Variants in INTS1 observed in about 807,000 individuals in gnomAD.
INTS1 encodes the protein integrator complex subunit 1.
INTS1 carries 137 observed loss-of-function variants against 241.6 expected under a neutral mutation model. That is an observed-to-expected ratio of 0.57 (90% CI 0.49 to 0.65). INTS1 has a LOEUF of 0.65. Among genes scored for constraint, INTS1 ranks in the 30% least tolerant of loss-of-function variants. The probability of loss-of-function intolerance (pLI) is 0.00; values close to 1 mark genes in which losing one functional copy is unlikely to be tolerated. For missense variants in INTS1, 3,073 were observed against 3,032.2 expected (o/e 1.01, Z -0.32); for synonymous variants, 1,692 against 1,337.8 (o/e 1.26, Z -5.78).
In INTS1 at chr7:1,481,380, T is replaced by A. The variant is rs753854730; in HGVS notation, c.3812A>T (p.His1271Leu). ...LLQFLDQAVAHDPQTLEQNIM... is the reference protein window; with the variant it reads ...LLQFLDQAVALDPQTLEQNIM... Reference sequence around the variant, plus strand: ...GTTCTGCTCCAGAGTCTGGGGGTCGTGGGCCACTGCCTGGTCCAGGAACTG... The same window carrying A: ...GTTCTGCTCCAGAGTCTGGGGGTCGAGGGCCACTGCCTGGTCCAGGAACTG... The change falls in exon 28 of 48, where the codon CAC becomes CTC. Residue 1271 changes from histidine (H) to leucine (L), a missense_variant. Transcript: ENST00000404767. This position sits in a 1 kb window ranked among gnomAD's most constrained non-coding sequence, Gnocchi z 6.8. 2 of 1,612,872 alleles carry A rather than the reference T, an allele frequency of 1.2e-6. No homozygotes were observed. Among genetic ancestry groups the A allele is most frequent in the Non-Finnish European group, 1.7e-6 (2 of 1,179,712 alleles).
Position 1,477,953 on chromosome 7 carries a change from G to A in INTS1, c.4631-17C>T. On this transcript the variant is annotated splice_polypyrimidine_tract_variant and intron_variant, in intron 33 of 47. Coordinates refer to ENST00000404767, the MANE Select transcript of INTS1 (RefSeq NM_001080453.3). ...CCTGGAGGACTGCGCAAGGGACAAA[G>A]AGACATGTGGGTCACTCCCAGGTCG... 1.2e-6 allele frequency: 2 copies of A among 1,610,984 alleles called. No homozygotes were observed. The highest frequency in any genetic ancestry group is 1.3e-5 in the African/African-American group (1 of 75,042).
At chr7:1,487,612 A>T in intron 19 of INTS1, 148 bp downstream of exon 19, 1 of 1,278,928 alleles carries the variant, frequency 7.8e-7, no homozygotes, top group Non-Finnish European at 1.1e-6. Context: ...GCAGTAAGCC[A>T]GGGACGCGGG....
intron 21 of INTS1, 62 bp downstream of exon 21, chr7:1,486,860 G>T: frequency 6.3e-7 from 1 of 1,592,930 alleles, no homozygotes; most frequent in Non-Finnish European, 8.5e-7. Context: ...GCTCAGGCAT[G>T]GGTTGCCCTG....
intron 16 of INTS1, among the ~76,000 whole-genome samples, chr7:1,490,434 G>A (rs112019293): frequency 0.016 from 2,435 of 152,278 alleles, 62 homozygotes; most frequent in African/African-American, 0.053. Flanking sequence ...CTGAAAGGGT[G>A]TTGGCTCCGG....
intron 3 of INTS1, among the ~76,000 whole-genome samples, chr7:1,501,976 T>G (rs1034421530): frequency 1.3e-5 from 2 of 152,050 alleles, no homozygotes; most frequent in East Asian, 1.9e-4. Context: ...AAGCCCATAC[T>G]GCAACTCCCT....
Position 1,498,817 on chromosome 7 carries a change from G to C in INTS1, c.1173C>G (p.Val391=), listed in dbSNP as rs1335403779. The change falls in exon 9 of 48, where the codon GTC becomes GTG. Residue 391 remains valine (V), a synonymous_variant. Coordinates refer to ENST00000404767, the MANE Select transcript of INTS1 (RefSeq NM_001080453.3). ...AACCGTGCGTGTTGCAGTTCATGCA[G>C]ACGGACATCAGCAGGTCCTGGGCCG... ...TRPAQDLLMS[V]CMNCNTHGSE... is the part of the protein sequence containing the mutation. The C allele has an allele frequency of 2.5e-6, 4 of 1,606,182 alleles. No individual in the cohort carries two copies. Among genetic ancestry groups the C allele is most frequent in the Non-Finnish European group, 3.4e-6 (4 of 1,176,822 alleles).
chr7:1,472,539 G>A (rs1299313168), intron 43 of INTS1, among the ~76,000 whole-genome samples, 153 bp from the exon 44 acceptor site: 1 of 152,196 alleles, frequency 6.6e-6, no homozygotes, highest in Non-Finnish European at 1.5e-5. Context: ...GGTGGAGCCA[G>A]GAGCCGGGAG....
chr7:1,498,280 C>T, intron 10 of INTS1, 132 bp downstream of exon 10: 2 of 1,396,350 alleles, frequency 1.4e-6, no homozygotes, highest in Non-Finnish European at 1.9e-6. Context: ...TTCAAAAGCT[C>T]CTTCCCGAGA....
chr7:1,503,190 C>T lies in INTS1; in HGVS notation c.60G>A (p.Gly20=), dbSNP rs1045557738. 1.7e-5 allele frequency: 26 copies of T among 1,524,344 alleles called. No individual in the cohort carries two copies. The highest frequency in any genetic ancestry group is 2.1e-5 in the Non-Finnish European group (24 of 1,136,492). The allele number at this position is 1,524,344 out of a possible 1,614,324, so 94.4% of individuals were successfully genotyped here. Residue 20 remains glycine, a splice_region_variant and synonymous_variant, in exon 3 of 48, where the codon GGG becomes GGA. Coordinates refer to ENST00000404767, the MANE Select transcript of INTS1 (RefSeq NM_001080453.3). ...CAATGAAGTCTCCTGGGGGAGGGTG[C>T]CCTGCAGAGAAAGGAGAGAGAAAAC... ...RRPSAAAKPS[G]HPPPGDFIAL...
At position 1,474,162 on chromosome 7, in the gene INTS1, A is replaced by G. The variant is rs1279226125; in HGVS notation, c.5829+6T>C. The G allele has an allele frequency of 3.9e-6, 6 of 1,555,820 alleles. No individual in the cohort carries two copies. The highest frequency in any genetic ancestry group is 1.8e-5 in the Admixed American group (1 of 56,514). On this transcript the variant is annotated splice_donor_region_variant and intron_variant, in intron 41 of 47. Coordinates refer to ENST00000404767, the MANE Select transcript of INTS1 (RefSeq NM_001080453.3). Reference sequence around the variant, plus strand: ...GAGCGCGAGGGCGGGCGGCGGGAGCACACACCAGCAGCAGGCGGATGAAGG... The same window carrying G: ...GAGCGCGAGGGCGGGCGGCGGGAGCGCACACCAGCAGCAGGCGGATGAAGG...
rs375397055 is a variant in INTS1, at chr7:1,498,675, G to A, written c.1283+32C>T. The A allele has an allele frequency of 3.4e-4, 149 of 443,790 alleles. 1 individual carries two copies. In the African/African-American group the frequency reaches 3.7e-3, roughly 11 times the overall value. 27.5% of individuals were successfully genotyped at this position (443,790 alleles called of 1,614,324 possible). A position where few individuals can be genotyped will look rare whatever the true frequency, so the allele number is the denominator to read the frequency against. ...CCCCACCCACACCCCCACTCCACCC[G>A]CACCCCCGCTCTGCCCCGGCTCGCC... is the stretch of plus-strand genomic sequence containing the variant. On this transcript the variant is annotated intron_variant, in intron 9 of 47. Transcript: ENST00000404767.
rs1450092222 is a variant in INTS1, at chr7:1,484,191, C to T, written c.3262-21G>A. ...ACGTCCTGGTGTGTGGACAGGGGGG[C>T]GTCAGAGGCTCCGAGACAGCTCTGC... On this transcript the variant is annotated intron_variant, in intron 24 of 47. Coordinates refer to ENST00000404767, the MANE Select transcript of INTS1 (RefSeq NM_001080453.3). The T allele has an allele frequency of 3.8e-6, 6 of 1,594,244 alleles. No individual in the cohort carries two copies. In the South Asian group the frequency reaches 4.4e-5, roughly 12 times the overall value.
chr7:1,504,232 A>T, intron 1 of INTS1, 91 bp downstream of exon 1: 2 of 552,340 alleles, frequency 3.6e-6, no homozygotes, highest in Non-Finnish European at 6.4e-6. Flanking sequence ...CGGCAGAACC[A>T]GAAGGGACGG....
At chr7:1,474,045 G>A in intron 41 of INTS1, 123 bp downstream of exon 41, 2 of 1,160,582 alleles carry the variant, frequency 1.7e-6, no homozygotes, top group Non-Finnish European at 2.4e-6. Flanking sequence ...CCCAGGGCAG[G>A]TGGCCTGGCC....
At position 1,475,035 on chromosome 7, in the gene INTS1, A is replaced by T. The variant is rs537376791; in HGVS notation, c.5503-197T>A. 3.3e-5 allele frequency among the ~76,000 whole-genome samples: 5 copies of T among 152,312 alleles called. No homozygotes were observed. In the East Asian group the frequency reaches 9.7e-4, roughly 29 times the overall value. On this transcript the variant is annotated intron_variant, in intron 39 of 47. Transcript: ENST00000404767. ...CAGCCTCTGGGAAAACCCCATACAG[A>T]ATAAAAGCAAAGCTCCACACCAAAT...
At position 1,497,201 on chromosome 7, in the gene INTS1, C is replaced by G; in HGVS notation, c.1539G>C (p.Gln513His). The change falls in exon 11 of 48, where the codon CAG becomes CAC. Residue 513 changes from glutamine to histidine, a missense_variant. Transcript: ENST00000404767. The surrounding 1 kb of genome is among the most constrained non-coding windows in gnomAD (Gnocchi z 5.3). ...CCTGCATGAGCCCCAGGCAGAAGGC[C>G]TGGAAGTTGATCTCGTGCTTGGTCT... The part of the protein sequence containing the change: ...IKQTKHEINF[Q>H]AFCLGLMQER... 6.2e-7 allele frequency: 1 copy of G among 1,612,676 alleles called. No homozygotes were observed. The highest frequency in any genetic ancestry group is 8.5e-7 in the Non-Finnish European group (1 of 1,179,582).
chr7:1,495,688 C>T (rs1782813734), intron 12 of INTS1, 135 bp from the exon 13 acceptor site: 1 of 1,161,562 alleles, frequency 8.6e-7, no homozygotes, highest in Non-Finnish European at 1.2e-6. Context: ...GGACGATTCC[C>T]AGCTGGAATA....
rs1781737400 is a variant in INTS1, at chr7:1,476,636, CAG to C, written c.5083_5084del (p.Leu1695GlyfsTer79). On this transcript the variant is annotated frameshift_variant, in exon 37 of 48. Transcript: ENST00000404767. LOFTEE classifies it high-confidence loss of function. ...CATGGATGCAGGCCCAGAGGAAGTC[CAG>C]AGAGGCAGAGGGGTCGAACCTGTGG... Reference protein sequence around the residue: ...REQRFDPSASLDFLWACIHVP... With the variant: ...REQRFDPSASXDFLWACIHVP... 1 of 1,612,670 alleles carries C rather than the reference CAG, an allele frequency of 6.2e-7. No homozygotes were observed. Among genetic ancestry groups the C allele is most frequent in the Middle Eastern group, 1.6e-4 (1 of 6,062 alleles).
Position 1,477,819 on chromosome 7 carries a change from A to C in INTS1, c.4748T>G (p.Val1583Gly). ...PFPACKPVVV[V>G]SSLLLQEEEP... ...CTCCTCCTGCAGCAGCAGGGAGCTC[A>C]CCACCACAACGGGCTTACAGGCTGG... Residue 1583 changes from valine (V) to glycine (G), a missense_variant, in exon 34 of 48, where the codon GTG (valine) becomes GGG (glycine). Transcript: ENST00000404767. 1.2e-6 allele frequency: 2 copies of C among 1,612,548 alleles called. No individual in the cohort carries two copies. The highest frequency in any genetic ancestry group is 1.1e-5 in the South Asian group (1 of 91,076).
Sources: allele counts gnomAD v4.1 joint callset (sites outside exome capture counted in the v4.1 genomes callset), GRCh38; gene constraint gnomAD v4.1.1; non-coding constraint Gnocchi (gnomAD v3.1); transcripts MANE v1.5; gene names NCBI Gene and HGNC (gene_info 2026-07-23, HGNC 2026-07-21).